ANK3: variants seen among roughly 807,000 people sequenced by gnomAD.
ANK3 encodes the protein ankyrin 3, also known as ankyrin-3.
In ANK3, 57 loss-of-function variants were observed where a neutral mutation model predicts 370.9. The observed-to-expected ratio is 0.15, with a 90% CI of 0.12 to 0.19. The LOEUF is 0.19. ANK3 is among the 10% of genes least tolerant of loss of function. The pLI, the probability that ANK3 is intolerant of heterozygous loss-of-function variation, is 1.00. For missense variants in ANK3, 4,439 were observed against 5,302.1 expected (o/e 0.84, Z 5.06); for synonymous variants, 1,929 against 1,946.3 (o/e 0.99, Z 0.23).
chr10:60,169,364 G>GTTTTTT (rs71015773), intron 21 of ANK3, among the ~76,000 whole-genome samples: 5 of 51,888 alleles, frequency 9.6e-5, no homozygotes, highest in African/African-American at 3.7e-4. Context: ...TTGTCTCATA[G>GTTTTTT]TTTTTTTTTT....
chr10:60,347,523 T>A (rs1236549017), intron 1 of ANK3, among the ~76,000 whole-genome samples: 4 of 152,018 alleles, frequency 2.6e-5, no homozygotes, highest in Admixed American at 2.0e-4. Context: ...CCTCTGAATC[T>A]CTGTTTCCTC....
intron 1 of ANK3, among the ~76,000 whole-genome samples, chr10:60,721,112 G>A (rs1043141838): frequency 1.3e-5 from 2 of 152,202 alleles, no homozygotes; most frequent in Non-Finnish European, 2.9e-5. Flanking sequence ...AGTTAGGGAA[G>A]AAACAGTAAT....
chr10:60,205,714 G>A, intron 11 of ANK3, 78 bp downstream of exon 11: 1 of 1,041,234 alleles, frequency 9.6e-7, no homozygotes, highest in South Asian at 1.3e-5. Context: ...CTGGTCCCTG[G>A]AGATGGCCCT....
At chr10:60,483,377 T>TG (rs2075272993) in intron 2 of ANK3, among the ~76,000 whole-genome samples, 1 of 152,188 alleles carries the variant, frequency 6.6e-6, no homozygotes, top group Non-Finnish European at 1.5e-5. Context: ...TTGCATGTAA[T>TG]GGGATTTTCA....
intron 1 of ANK3, among the ~76,000 whole-genome samples, chr10:60,639,058 A>G (rs1283373084): frequency 1.3e-5 from 2 of 152,038 alleles, no homozygotes; most frequent in East Asian, 3.9e-4. Context: ...AAAGAAAACC[A>G]CACAAAGATA....
chr10:60,385,421 G>C (rs1253163342), intron 1 of ANK3, among the ~76,000 whole-genome samples: 4 of 151,974 alleles, frequency 2.6e-5, no homozygotes, highest in Admixed American at 1.3e-4. Flanking sequence ...CTCTATGGAG[G>C]GTGATTAGTG....
At chr10:60,361,453 G>A (rs2058596963) in intron 1 of ANK3, among the ~76,000 whole-genome samples, 1 of 152,106 alleles carries the variant, frequency 6.6e-6, no homozygotes. Flanking sequence ...GGAATGTTTA[G>A]GGAATAGAAT....
In ANK3 at chr10:60,069,054, C is replaced by T. The variant is rs1234902467; in HGVS notation, c.11827G>A (p.Ala3943Thr). The T allele has an allele frequency of 1.2e-6, 2 of 1,613,980 alleles. No individual in the cohort carries two copies. Among genetic ancestry groups the T allele is most frequent in the South Asian group, 1.1e-5 (1 of 91,074 alleles). ...QKQGQPEKGK[A>T]KQLPSKLPVK... ...GGCAACTTGGATGGAAGCTGTTTGG[C>T]CTTGCCTTTCTCTGGCTGCCCTTGC... Residue 3943 changes from alanine (A) to threonine (T), a missense_variant, in exon 37 of 44, where the codon GCC becomes ACC. Physicochemically the swap from Ala to Thr is moderately conservative, Grantham distance 58 (BLOSUM62 0). Transcript: ENST00000280772.
chr10:60,609,586 T>C (rs1021809112), intron 2 of ANK3, among the ~76,000 whole-genome samples: 34 of 152,040 alleles, frequency 2.2e-4, no homozygotes, highest in Non-Finnish European at 2.2e-4. Context: ...GGGACTTCTA[T>C]GAGAGTTACA....
chr10:60,596,433 C>G (rs1392687643), intron 2 of ANK3, among the ~76,000 whole-genome samples: 2 of 152,112 alleles, frequency 1.3e-5, no homozygotes, highest in African/African-American at 2.4e-5. Flanking sequence ...AACATGGCAA[C>G]AGTCGCATAC....
intron 43 of ANK3, among the ~76,000 whole-genome samples, chr10:60,038,439 C>G (rs2075506117): frequency 6.6e-6 from 1 of 152,058 alleles, no homozygotes; most frequent in Non-Finnish European, 1.5e-5. Flanking sequence ...GTTCTTTGCC[C>G]ACTTGTTAAT....
rs535286386 is a variant in ANK3 at position 60,623,604 on chromosome 10, T to C, written c.58-8380A>G. ...ACAAAAATGCATTAATAAGATATCA[T>C]AGGTTGTTGAGCAGGAAAGTGACAA... On this transcript the variant is annotated intron_variant, in intron 1 of 43. Coordinates refer to the ANK3 transcript ENST00000373827. Among the ~76,000 whole-genome samples the C allele has an allele frequency of 2.0e-4, 31 of 152,302 alleles. No homozygotes were observed. The South Asian group carries it at 6.0e-3, about 30-fold the overall frequency.
chr10:60,579,496 T>G (rs1344948848), intron 2 of ANK3, among the ~76,000 whole-genome samples: 2 of 152,034 alleles, frequency 1.3e-5, no homozygotes, highest in African/African-American at 2.4e-5. Context: ...CCTGCCTTAT[T>G]TGTACCCTCA....
At chr10:60,143,031 G>C (rs2094636419) in intron 23 of ANK3, among the ~76,000 whole-genome samples, 1 of 151,924 alleles carries the variant, frequency 6.6e-6, no homozygotes. Flanking sequence ...ACAAAGTAAG[G>C]GCTTAATCAG....
Position 60,371,454 on chromosome 10 carries a change from C to T in ANK3, c.114+17971G>A, listed in dbSNP as rs149963771. Among the ~76,000 whole-genome samples, 19 of 152,196 alleles carry T rather than the reference C, an allele frequency of 1.2e-4. No homozygotes were observed. The East Asian group carries it at 2.3e-3, about 19-fold the overall frequency. ...AAAGTTGTCTGTCTCTCTTAATAGGCTGCCAGTTCCCAAGGGACTGGAAGC... is the reference window on the plus strand; with the variant it reads ...AAAGTTGTCTGTCTCTCTTAATAGGTTGCCAGTTCCCAAGGGACTGGAAGC... On this transcript the variant is annotated intron_variant, in intron 1 of 43. Transcript: ENST00000280772.
intron 35 of ANK3, chr10:60,081,825 T>A (rs2085348667): frequency 1.3e-5 from 3 of 234,566 alleles, no homozygotes; most frequent in South Asian, 1.4e-4. Context: ...CTTTTCCCCC[T>A]TTCTCACTAT....
At chr10:60,222,810 A>T (rs1278089439) in intron 8 of ANK3, among the ~76,000 whole-genome samples, 1 of 152,074 alleles carries the variant, frequency 6.6e-6, no homozygotes, top group Non-Finnish European at 1.5e-5. Flanking sequence ...CATGTACCTG[A>T]GAGTTCCTTT....
At chr10:60,053,141 A>G (rs2131902728) in intron 42 of ANK3, among the ~76,000 whole-genome samples, 1 of 152,320 alleles carries the variant, frequency 6.6e-6, no homozygotes, top group Admixed American at 6.5e-5. Flanking sequence ...TAAATTTAGG[A>G]GACTTAGAAT....
At chr10:60,580,469 C>T (rs1292554807) in intron 2 of ANK3, among the ~76,000 whole-genome samples, 1 of 152,128 alleles carries the variant, frequency 6.6e-6, no homozygotes, top group South Asian at 2.1e-4. Context: ...CCTTTTCTAA[C>T]CACCTCTATA....
Sources: allele counts gnomAD v4.1 joint callset (sites outside exome capture counted in the v4.1 genomes callset), GRCh38; gene constraint gnomAD v4.1.1; transcripts MANE v1.5; gene names NCBI Gene and HGNC (gene_info 2026-07-23, HGNC 2026-07-21).